Variants in ARHGAP10 observed in about 807,000 individuals in gnomAD.
ARHGAP10 encodes the protein Rho GTPase activating protein 10.
In ARHGAP10, 87 loss-of-function variants were observed where a neutral mutation model predicts 108.6. The ratio of observed to expected loss-of-function variants is 0.80; its 90% CI spans 0.67 to 0.96. The LOEUF is 0.96. Ranked by LOEUF, ARHGAP10 falls within the 40% of genes least tolerant of loss-of-function variation. The probability of loss-of-function intolerance (pLI) is 0.00; values close to 1 mark genes in which losing one functional copy is unlikely to be tolerated. For missense variants in ARHGAP10, 939 were observed against 954.5 expected (o/e 0.98, Z 0.21); for synonymous variants, 347 against 341.1 (o/e 1.02, Z -0.19).
intron 19 of ARHGAP10, among the ~76,000 whole-genome samples, chr4:148,029,274 G>A (rs1259318658): frequency 6.6e-6 from 1 of 152,058 alleles, no homozygotes; most frequent in African/African-American, 2.4e-5. Flanking sequence ...TCATCCATAG[G>A]CTCATATTAA....
At position 148,072,146 on chromosome 4, in the gene ARHGAP10, C is replaced by T; in HGVS notation, c.*65C>T. ...GACCTGCCTGGGGGCAGAGAGCTGT[C>T]TTCCTCCTCCGAGGCTCTGGGCTGC... On this transcript the variant is annotated 3_prime_UTR_variant, in exon 23 of 23. Coordinates refer to ENST00000336498, the MANE Select transcript of ARHGAP10 (RefSeq NM_024605.4). 1.4e-6 allele frequency: 2 copies of T among 1,457,498 alleles called. No individual in the cohort carries two copies. Among genetic ancestry groups the T allele is most frequent in the South Asian group, 2.5e-5 (2 of 80,504 alleles). 90.3% of individuals were successfully genotyped at this position (1,457,498 alleles called of 1,614,324 possible).
At chr4:148,060,345 G>GTT (rs75224309) in intron 20 of ARHGAP10, among the ~76,000 whole-genome samples, 53 of 135,014 alleles carry the variant, frequency 3.9e-4, no homozygotes, top group South Asian at 1.4e-3. Context: ...CTCATGTTTA[G>GTT]TTTTTTTTTT....
At chr4:147,835,370 T>A (rs1364363700) in intron 3 of ARHGAP10, among the ~76,000 whole-genome samples, 1 of 152,194 alleles carries the variant, frequency 6.6e-6, no homozygotes, top group African/African-American at 2.4e-5. Flanking sequence ...TCTCTCACAT[T>A]TTTTCTTTTT....
intron 10 of ARHGAP10, among the ~76,000 whole-genome samples, chr4:147,906,293 G>T (rs1330946814): frequency 6.6e-6 from 1 of 152,198 alleles, no homozygotes; most frequent in Non-Finnish European, 1.5e-5. Context: ...CCAAGTGTCT[G>T]CGGATATTGT....
intron 13 of ARHGAP10, among the ~76,000 whole-genome samples, chr4:147,915,987 T>A (rs777215931): frequency 2.8e-4 from 42 of 152,224 alleles, no homozygotes; most frequent in Non-Finnish European, 5.3e-4. Flanking sequence ...TGTTTGCTTG[T>A]AGTGACAGCT....
chr4:147,905,156 C>T lies in ARHGAP10; in HGVS notation c.1035-1482C>T, dbSNP rs1030534166. Among the ~76,000 whole-genome samples, 1,363 of 152,114 alleles carry T rather than the reference C, an allele frequency of 9.0e-3. 10 individuals carry two copies. The highest frequency in any genetic ancestry group is 0.014 in the Non-Finnish European group (951 of 67,998). On this transcript the variant is annotated intron_variant, in intron 10 of 22. Transcript: ENST00000336498. ...AGCTCTTTGTCAGATGAGTAGGTTG[C>T]GAAAATTTTCTCCCATTTTGTAGGT...
At chr4:147,902,695 T>C (rs1221276161) in intron 10 of ARHGAP10, among the ~76,000 whole-genome samples, 2 of 151,968 alleles carry the variant, frequency 1.3e-5, no homozygotes, top group Non-Finnish European at 2.9e-5. Flanking sequence ...AAGCCGAGAC[T>C]GCACCACTGC....
Position 147,847,148 on chromosome 4 carries a change from T to C in ARHGAP10, c.313-3T>C. On this transcript the variant is annotated splice_polypyrimidine_tract_variant and splice_region_variant and intron_variant, in intron 3 of 22. Transcript: ENST00000336498. Reference sequence around the variant, plus strand: ...CTCTTTTGTTATCACTCTTGTTCTCTAGGCATTAAGTGTAACTGAAACCCT... The same window carrying C: ...CTCTTTTGTTATCACTCTTGTTCTCCAGGCATTAAGTGTAACTGAAACCCT... The C allele has an allele frequency of 6.2e-7, 1 of 1,611,020 alleles. No homozygotes were observed. The highest frequency in any genetic ancestry group is 1.3e-5 in the African/African-American group (1 of 74,990).
chr4:148,005,594 G>C (rs1341923717), intron 18 of ARHGAP10, among the ~76,000 whole-genome samples: 1 of 152,158 alleles, frequency 6.6e-6, no homozygotes, highest in East Asian at 1.9e-4. Flanking sequence ...CTGTATCTCA[G>C]AGTGTAGAAA....
chr4:147,983,218 C>T (rs540634475), intron 18 of ARHGAP10, among the ~76,000 whole-genome samples: 80 of 138,872 alleles, frequency 5.8e-4, no homozygotes, highest in African/African-American at 1.8e-3. Context: ...CAGAGTCTCA[C>T]TCTGTCGCCC....
rs1411745355 is a variant in ARHGAP10, at chr4:148,060,344, A to ACTTT, written c.2028-2804_2028-2803insCTTT. Among the ~76,000 whole-genome samples, 12 of 120,836 alleles carry ACTTT rather than the reference A, an allele frequency of 9.9e-5. 2 individuals are homozygous for ACTTT. The highest frequency in any genetic ancestry group is 8.8e-5 in the Non-Finnish European group (5 of 56,890). 79.3% of individuals were successfully genotyped at this position (120,836 alleles called of 152,430 possible). On this transcript the variant is annotated intron_variant, in intron 20 of 22. Coordinates refer to ENST00000336498, the MANE Select transcript of ARHGAP10 (RefSeq NM_024605.4). ...TGGTTACATAACGAAGCTCATGTTT[A>ACTTT]GTTTTTTTTTTTTTTTTTTTTTGGC...
chr4:147,838,980 A>C (rs1202201556), intron 3 of ARHGAP10, among the ~76,000 whole-genome samples: 1 of 152,208 alleles, frequency 6.6e-6, no homozygotes, highest in East Asian at 1.9e-4. Context: ...GATCAAAATA[A>C]TGGGAAAGTC....
Position 148,043,596 on chromosome 4 carries a change from T to C in ARHGAP10, c.1868-3296T>C, listed in dbSNP as rs1193310498. On this transcript the variant is annotated intron_variant, in intron 19 of 22. Coordinates refer to ENST00000336498, the MANE Select transcript of ARHGAP10 (RefSeq NM_024605.4). ...AAGTCCGAGACCAAGCTGGACAACA[T>C]AGGGAGACCCTCTCTCTAATATATA... Among the ~76,000 whole-genome samples, 4 of 111,552 alleles carry C rather than the reference T, an allele frequency of 3.6e-5. 1 individual carries two copies. Among genetic ancestry groups the C allele is most frequent in the East Asian group, 5.3e-4 (2 of 3,786 alleles). The allele number at this position is 111,552 out of a possible 152,430, so 73.2% of individuals were successfully genotyped here.
chr4:147,996,679 T>C (rs1277666225), intron 18 of ARHGAP10, among the ~76,000 whole-genome samples: 1 of 152,238 alleles, frequency 6.6e-6, no homozygotes, highest in Non-Finnish European at 1.5e-5. Context: ...TGTTATGGAC[T>C]AAACTGTGAC....
At chr4:147,733,029 C>T (rs990930326) in intron 1 of ARHGAP10, among the ~76,000 whole-genome samples, 7 of 152,152 alleles carry the variant, frequency 4.6e-5, no homozygotes, top group Admixed American at 1.3e-4. Flanking sequence ...GTCCACCTGG[C>T]TTTATGCTGC....
intron 18 of ARHGAP10, 181 bp from the exon 19 acceptor site, chr4:148,023,082 G>T: frequency 1.9e-6 from 1 of 520,900 alleles, no homozygotes; most frequent in Non-Finnish European, 3.3e-6. Flanking sequence ...TTTTATTTTG[G>T]AATCTTCTGT....
At chr4:147,841,413 A>G (rs1026722134) in intron 3 of ARHGAP10, among the ~76,000 whole-genome samples, 7 of 152,186 alleles carry the variant, frequency 4.6e-5, no homozygotes, top group African/African-American at 7.2e-5. Context: ...AAAACTTCTC[A>G]ATATTATTAC....
chr4:148,017,902 G>C (rs1256593885), intron 18 of ARHGAP10, among the ~76,000 whole-genome samples: 1 of 152,032 alleles, frequency 6.6e-6, no homozygotes, highest in African/African-American at 2.4e-5. Context: ...CCTGGTAACA[G>C]AGCATGAAGG....
chr4:147,743,534 T>C (rs914166143), intron 1 of ARHGAP10, among the ~76,000 whole-genome samples: 2 of 152,050 alleles, frequency 1.3e-5, no homozygotes, highest in African/African-American at 4.8e-5. Flanking sequence ...TTCCAGCACT[T>C]TGGGAGGCTG....
Sources: gnomAD v4.1 joint callset for allele counts (sites outside exome capture counted in the v4.1 genomes callset) on GRCh38, gnomAD v4.1.1 for gene constraint, MANE v1.5 for transcripts, NCBI Gene and HGNC (gene_info 2026-07-23, HGNC 2026-07-21) for gene names.